The following LARGE1 variants were observed in gnomAD, a reference collection of about 807,000 sequenced individuals.
LARGE1 encodes the protein LARGE xylosyl- and glucuronyltransferase 1.
Under a neutral mutation model 87.6 loss-of-function variants are expected in LARGE1, and 43 were observed. The observed-to-expected ratio is 0.49, with a 90% CI of 0.38 to 0.63. The LOEUF (loss-of-function observed/expected upper bound fraction) is 0.63. Among genes scored for constraint, LARGE1 ranks in the 30% least tolerant of loss-of-function variants. LARGE1 has a pLI of 0.00. For missense variants in LARGE1, 802 were observed against 1,000.2 expected, an observed-to-expected ratio of 0.80 and a Z score of 2.67; for synonymous variants, 434 against 394.6, an observed-to-expected ratio of 1.10 and a Z score of -1.18.
At position 33,432,446 on chromosome 22, in the gene LARGE1, C is replaced by T. The variant is rs73166278; in HGVS notation, c.788-181G>A. Among the ~76,000 whole-genome samples, 7,357 of 152,284 alleles carry T rather than the reference C, an allele frequency of 0.048. 219 individuals are homozygous for T. Among genetic ancestry groups the T allele is most frequent in the African/African-American group, 0.079 (3,299 of 41,548 alleles). Reference sequence around the variant, plus strand: ...AACTTGCATTAACATATTTAATTCTCACCATTAGGCAGTCATTTTTATTAT... The same window carrying T: ...AACTTGCATTAACATATTTAATTCTTACCATTAGGCAGTCATTTTTATTAT... On this transcript the variant is annotated intron_variant, in intron 6 of 14. Transcript: ENST00000397394.
intron 2 of LARGE1, among the ~76,000 whole-genome samples, chr22:33,710,475 C>T (rs2082700030): frequency 6.6e-6 from 1 of 152,228 alleles, no homozygotes; most frequent in Admixed American, 6.5e-5. Flanking sequence ...AGAAGCCATA[C>T]TGTGTGTCAA....
chr22:33,592,159 A>G (rs539460255), intron 5 of LARGE1, among the ~76,000 whole-genome samples: 2 of 151,970 alleles, frequency 1.3e-5, no homozygotes, highest in South Asian at 4.2e-4. Flanking sequence ...TGAAGTCCCT[A>G]TAATTTTCTT....
chr22:33,205,312 A>C (rs936323832), intron 11 of LARGE1, among the ~76,000 whole-genome samples: 20 of 152,266 alleles, frequency 1.3e-4, no homozygotes, highest in South Asian at 2.1e-4. Flanking sequence ...GCTATGTGCC[A>C]GCCACAGGGA....
intron 2 of LARGE1, among the ~76,000 whole-genome samples, chr22:33,760,159 C>T (rs2084669796): frequency 6.6e-6 from 1 of 152,184 alleles, no homozygotes; most frequent in South Asian, 2.1e-4. Flanking sequence ...GACAGATTTT[C>T]ATTTGAGATC....
chr22:33,620,251 A>C (rs2079706083), intron 4 of LARGE1, among the ~76,000 whole-genome samples: 1 of 152,246 alleles, frequency 6.6e-6, no homozygotes, highest in African/African-American at 2.4e-5. Context: ...AAGGCTGTAG[A>C]GTGTGAAAGC....
At chr22:33,210,306 G>A (rs921474867) in intron 11 of LARGE1, among the ~76,000 whole-genome samples, 1 of 152,244 alleles carries the variant, frequency 6.6e-6, no homozygotes, top group African/African-American at 2.4e-5. Context: ...AGATAGACGG[G>A]GGTGGCACAA....
intron 6 of LARGE1, among the ~76,000 whole-genome samples, chr22:33,446,982 C>T (rs541048754): frequency 1.3e-5 from 2 of 152,326 alleles, no homozygotes; most frequent in African/African-American, 4.8e-5. Flanking sequence ...CAATCTCTGC[C>T]TCCCGGATTC....
At chr22:33,414,596 T>G (rs184662593) in intron 7 of LARGE1, among the ~76,000 whole-genome samples, 1 of 152,204 alleles carries the variant, frequency 6.6e-6, no homozygotes, top group Non-Finnish European at 1.5e-5. Context: ...CATAGCTCTA[T>G]GGCATCTGTA....
the LARGE1 span, among the ~76,000 whole-genome samples, chr22:33,118,859 G>A: frequency 6.6e-6 from 1 of 152,204 alleles, no homozygotes; most frequent in Admixed American, 6.5e-5. Flanking sequence ...AGTTGAATGG[G>A]AGAGTTTATT....
intron 5 of LARGE1, among the ~76,000 whole-genome samples, chr22:33,591,931 C>T (rs1203194001): frequency 6.7e-6 from 1 of 149,332 alleles, no homozygotes; most frequent in African/African-American, 2.5e-5. Context: ...GAGGATGAGG[C>T]AGGAGGATTG....
At chr22:33,158,382 G>T (rs1263999011), downstream of LARGE1, among the ~76,000 whole-genome samples, 1 of 152,108 alleles carries the variant, frequency 6.6e-6, no homozygotes, top group Non-Finnish European at 1.5e-5. Flanking sequence ...AACAAATAGA[G>T]CCTATGTTTG....
intron 2 of LARGE1, among the ~76,000 whole-genome samples, chr22:33,713,257 G>T (rs903970312): frequency 7.9e-5 from 12 of 151,816 alleles, no homozygotes; most frequent in African/African-American, 2.9e-4. Context: ...GGATAGAGTT[G>T]GTTTCAAAAA....
At chr22:33,918,974 A>G (rs1212689289) in intron 1 of LARGE1, among the ~76,000 whole-genome samples, 1 of 152,046 alleles carries the variant, frequency 6.6e-6, no homozygotes, top group Non-Finnish European at 1.5e-5. Flanking sequence ...ACTTCCAGTG[A>G]CATTCACGAA....
At chr22:33,357,719 G>A (rs1252097714) in intron 9 of LARGE1, among the ~76,000 whole-genome samples, 1 of 151,428 alleles carries the variant, frequency 6.6e-6, no homozygotes, top group East Asian at 1.9e-4. Flanking sequence ...GCTTCAACCC[G>A]GGAGGCAGAG....
At chr22:33,105,121 C>T in the LARGE1 span, among the ~76,000 whole-genome samples, 1 of 151,858 alleles carries the variant, frequency 6.6e-6, no homozygotes, top group Non-Finnish European at 1.5e-5. Flanking sequence ...CCTCAGCCTC[C>T]CAAGTAGCTG....
intron 11 of LARGE1, among the ~76,000 whole-genome samples, chr22:33,219,875 C>T (rs897521860): frequency 3.3e-5 from 5 of 152,138 alleles, no homozygotes; most frequent in African/African-American, 1.2e-4. Context: ...CAAACTCCCC[C>T]ACTGTCACAA....
At chr22:33,788,570 C>T (rs993105962) in intron 1 of LARGE1, among the ~76,000 whole-genome samples, 2 of 152,174 alleles carry the variant, frequency 1.3e-5, no homozygotes, top group Non-Finnish European at 2.9e-5. Context: ...TGTTCAATGG[C>T]TTGGACCGAA....
intron 11 of LARGE1, among the ~76,000 whole-genome samples, chr22:33,215,740 T>C (rs1925172867): frequency 6.6e-6 from 1 of 152,092 alleles, no homozygotes; most frequent in South Asian, 2.1e-4. Flanking sequence ...GTGGATCACC[T>C]GAGGTCAGGA....
At chr22:33,141,445 A>G in the LARGE1 span, among the ~76,000 whole-genome samples, 2 of 152,204 alleles carry the variant, frequency 1.3e-5, no homozygotes, top group African/African-American at 2.4e-5. Flanking sequence ...TTCATGAAGC[A>G]CTCAAAATTT....
Sources: allele counts gnomAD v4.1 joint callset (sites outside exome capture counted in the v4.1 genomes callset), GRCh38; gene constraint gnomAD v4.1.1; transcripts MANE v1.5; gene names NCBI Gene and HGNC (gene_info 2026-07-23, HGNC 2026-07-21).